The following CDH11 variants were observed in gnomAD, a reference collection of about 807,000 sequenced individuals.
CDH11 encodes cadherin-11.
Under a neutral mutation model 67.8 loss-of-function variants are expected in CDH11, and 11 were observed. The observed-to-expected ratio is 0.16, with a 90% CI of 0.10 to 0.27. The LOEUF is 0.27. Ranked by LOEUF, CDH11 falls within the 10% of genes least tolerant of loss-of-function variation. The probability of loss-of-function intolerance (pLI) is 1.00; values close to 1 mark genes in which losing one functional copy is unlikely to be tolerated. For synonymous variants in CDH11, 419 were observed against 400.0 expected, an observed-to-expected ratio of 1.05 and a Z score of -0.57; for missense variants, 847 against 1,031.2, an observed-to-expected ratio of 0.82 and a Z score of 2.45.
intron 1 of CDH11, among the ~76,000 whole-genome samples, chr16:65,079,084 C>A (rs1272392198): frequency 1.3e-5 from 2 of 152,088 alleles, no homozygotes; most frequent in Non-Finnish European, 2.9e-5. Flanking sequence ...CATTGCAAAC[C>A]CATTCAGGAA....
intron 2 of CDH11, among the ~76,000 whole-genome samples, chr16:65,008,478 G>A (rs1268578187): frequency 6.6e-6 from 1 of 152,166 alleles, no homozygotes; most frequent in Non-Finnish European, 1.5e-5. Context: ...GAAAATTTAT[G>A]TAGCAAGTTC....
At chr16:65,081,537 C>T (rs968859859) in intron 1 of CDH11, among the ~76,000 whole-genome samples, 1 of 151,324 alleles carries the variant, frequency 6.6e-6, no homozygotes, top group African/African-American at 2.4e-5. Flanking sequence ...CCACTGCACT[C>T]CAGCCTGGGT....
intron 1 of CDH11, among the ~76,000 whole-genome samples, chr16:65,120,659 GA>G (rs2075310643): frequency 6.6e-6 from 1 of 152,152 alleles, no homozygotes; most frequent in African/African-American, 2.4e-5. Flanking sequence ...TAAAAGATGC[GA>G]TTTCTTAATA....
chr16:64,955,310 C>T (rs189943664), intron 11 of CDH11, among the ~76,000 whole-genome samples: 10 of 152,046 alleles, frequency 6.6e-5, no homozygotes, highest in Non-Finnish European at 1.0e-4. Context: ...GGTGTGGTGG[C>T]GCATGCCTAT....
chr16:64,984,185 C>T (rs1249345222), intron 7 of CDH11, among the ~76,000 whole-genome samples: 1 of 152,156 alleles, frequency 6.6e-6, no homozygotes, highest in East Asian at 1.9e-4. Context: ...TGTGTGGCCC[C>T]CTAGTGGCCC....
At chr16:64,991,535 C>T (rs181607642) in intron 6 of CDH11, 53 of 469,648 alleles carry the variant, frequency 1.1e-4, no homozygotes, top group African/African-American at 5.1e-4. Flanking sequence ...TATTTTGTTT[C>T]CAGGGTTGTA....
chr16:65,025,368 G>A (rs2073512027), intron 2 of CDH11, among the ~76,000 whole-genome samples: 1 of 152,020 alleles, frequency 6.6e-6, no homozygotes, highest in Admixed American at 6.6e-5. Flanking sequence ...ACAGAGTCTC[G>A]CTCTGCTGCC....
chr16:64,968,570 G>C, intron 11 of CDH11: 1 of 985,060 alleles, frequency 1.0e-6, no homozygotes, highest in Non-Finnish European at 1.2e-6. Context: ...TTGAAGCTCG[G>C]GCTGCAGAAC....
intron 2 of CDH11, among the ~76,000 whole-genome samples, chr16:65,050,462 T>C (rs2074036102): frequency 1.3e-5 from 2 of 152,198 alleles, no homozygotes. Flanking sequence ...TGGCATGTCA[T>C]AGGTGCCTGT....
In CDH11 at chr16:64,946,262, T is replaced by C. The variant is rs2071194144; in HGVS notation, c.*1341A>G. 6.7e-6 allele frequency: 7 copies of C among 1,046,656 alleles called. No homozygotes were observed. The highest frequency in any genetic ancestry group is 8.1e-6 in the Non-Finnish European group (7 of 867,502). 64.8% of individuals were successfully genotyped at this position (1,046,656 alleles called of 1,614,324 possible). On this transcript the variant is annotated 3_prime_UTR_variant, in exon 13 of 13. Coordinates refer to ENST00000268603, the MANE Select transcript of CDH11 (RefSeq NM_001797.4). ...GTTTCAACTATCAAGAGTCTTACAA[T>C]AGCCTGGTAAGTTCAACAGAAGAAA...
chr16:64,988,496 G>A, intron 6 of CDH11, 152 bp from the exon 7 acceptor site: 1 of 670,564 alleles, frequency 1.5e-6, no homozygotes, highest in Non-Finnish European at 2.5e-6. Context: ...ATGTGGGGAG[G>A]AGGATCCCAC....
chr16:65,085,964 C>T (rs534015965), intron 1 of CDH11, among the ~76,000 whole-genome samples: 3 of 152,194 alleles, frequency 2.0e-5, no homozygotes, highest in Admixed American at 6.5e-5. Context: ...AACCAAGATT[C>T]AACTCAACTA....
intron 8 of CDH11, among the ~76,000 whole-genome samples, chr16:64,974,046 C>G (rs1389466975): frequency 1.3e-5 from 2 of 151,948 alleles, no homozygotes; most frequent in Non-Finnish European, 2.9e-5. Context: ...TTACTAATAA[C>G]GGATAAAAAA....
chr16:64,997,127 G>A (rs543269222), intron 4 of CDH11, among the ~76,000 whole-genome samples: 5 of 151,752 alleles, frequency 3.3e-5, no homozygotes, highest in South Asian at 2.1e-4. Context: ...GTGAAACCCC[G>A]TCCGTAATAA....
intron 11 of CDH11, among the ~76,000 whole-genome samples, chr16:64,957,248 G>A (rs1445440742): frequency 6.6e-6 from 1 of 152,052 alleles, no homozygotes; most frequent in Non-Finnish European, 1.5e-5. Context: ...AGCTTGACCT[G>A]ATCAGAGACA....
chr16:64,992,615 G>C (rs1347932790), intron 5 of CDH11, among the ~76,000 whole-genome samples: 3 of 152,216 alleles, frequency 2.0e-5, no homozygotes, highest in African/African-American at 7.2e-5. Flanking sequence ...GGAATATAGA[G>C]AGCACTGTGG....
Position 65,113,988 on chromosome 16 carries a change from A to C in CDH11, c.-298+7892T>G, listed in dbSNP as rs543367220. On this transcript the variant is annotated intron_variant, in intron 1 of 12. Transcript: ENST00000268603. ...TATTATCAAATACCAGGTTCCAAAC[A>C]ATTGCAGAGCCTTCAAGAAAAGGAA... 1.2e-4 allele frequency among the ~76,000 whole-genome samples: 19 copies of C among 152,312 alleles called. No individual in the cohort carries two copies. The South Asian group carries it at 3.1e-3, about 25-fold the overall frequency.
intron 1 of CDH11, among the ~76,000 whole-genome samples, chr16:65,089,796 T>C (rs2074764594): frequency 6.6e-6 from 1 of 152,220 alleles, no homozygotes; most frequent in Admixed American, 6.5e-5. Flanking sequence ...GTATTCTTGC[T>C]AAATACGAGT....
intron 1 of CDH11, among the ~76,000 whole-genome samples, chr16:65,060,350 T>TAG (rs781392162): frequency 0.015 from 2,136 of 140,272 alleles, 16 homozygotes; most frequent in Middle Eastern, 0.024. Context: ...TATATATATA[T>TAG]ATATAGAGAG....
Sources: allele counts gnomAD v4.1 joint callset (sites outside exome capture counted in the v4.1 genomes callset), GRCh38; gene constraint gnomAD v4.1.1; transcripts MANE v1.5; gene names NCBI Gene and HGNC (gene_info 2026-07-23, HGNC 2026-07-21).